Variants in SNTG1 observed in about 807,000 individuals in gnomAD.
SNTG1 encodes the protein syntrophin gamma 1.
In SNTG1, 39 loss-of-function variants were observed where a neutral mutation model predicts 74.7. The ratio of observed to expected loss-of-function variants is 0.52; its 90% CI spans 0.40 to 0.68. The LOEUF (loss-of-function observed/expected upper bound fraction) is 0.68, where lower values mean the gene tolerates loss of function less well. SNTG1 is among the 30% of genes least tolerant of loss of function. The probability of loss-of-function intolerance (pLI) is 0.00; values close to 1 mark genes in which losing one functional copy is unlikely to be tolerated. For missense variants in SNTG1, 685 were observed against 609.5 expected, an observed-to-expected ratio of 1.12 and a Z score of -1.30; for synonymous variants, 254 against 217.1, an observed-to-expected ratio of 1.17 and a Z score of -1.49.
chr8:50,383,425 A>G (rs1037750947), intron 2 of SNTG1, among the ~76,000 whole-genome samples: 3 of 152,230 alleles, frequency 2.0e-5, no homozygotes, highest in Admixed American at 6.5e-5. Context: ...AAGATAATTG[A>G]CATATATTAT....
intron 13 of SNTG1, among the ~76,000 whole-genome samples, chr8:50,602,047 G>A (rs948394349): frequency 1.3e-5 from 2 of 151,872 alleles, no homozygotes; most frequent in African/African-American, 4.8e-5. Context: ...ACAGATAATT[G>A]AGTCTTCTTT....
intron 2 of SNTG1, among the ~76,000 whole-genome samples, chr8:50,295,925 T>A (rs1408596843): frequency 6.6e-6 from 1 of 152,192 alleles, no homozygotes; most frequent in Non-Finnish European, 1.5e-5. Flanking sequence ...ACTCTTAATG[T>A]AAAAAAGTGC....
chr8:50,684,607 A>G (rs2095344226), intron 15 of SNTG1, among the ~76,000 whole-genome samples: 1 of 152,120 alleles, frequency 6.6e-6, no homozygotes, highest in Admixed American at 6.5e-5. Flanking sequence ...AATGATAAAA[A>G]GGGTTTTAAT....
intron 2 of SNTG1, among the ~76,000 whole-genome samples, chr8:50,276,628 A>T (rs2088129328): frequency 6.6e-6 from 1 of 151,980 alleles, no homozygotes; most frequent in Admixed American, 6.6e-5. Context: ...TAATCATTTC[A>T]TGCTATGGAA....
At chr8:50,685,878 GA>G (rs2131411177) in intron 15 of SNTG1, among the ~76,000 whole-genome samples, 1 of 152,204 alleles carries the variant, frequency 6.6e-6, no homozygotes, top group South Asian at 2.1e-4. Context: ...TTGTGTTAAA[GA>G]TGAAGTCTTC....
chr8:50,243,328 G>A (rs1326752776), intron 2 of SNTG1, among the ~76,000 whole-genome samples: 6 of 152,038 alleles, frequency 3.9e-5, no homozygotes, highest in Non-Finnish European at 8.8e-5. Flanking sequence ...TGCAAGTGTA[G>A]GTTTTCTGAA....
At chr8:50,208,546 A>G (rs1161098593) in intron 2 of SNTG1, among the ~76,000 whole-genome samples, 1 of 152,128 alleles carries the variant, frequency 6.6e-6, no homozygotes, top group Non-Finnish European at 1.5e-5. Context: ...AATTGGAGCA[A>G]CTATCCCATT....
chr8:50,716,216 TTA>T (rs1461597788), intron 17 of SNTG1, among the ~76,000 whole-genome samples: 1 of 152,142 alleles, frequency 6.6e-6, no homozygotes. Flanking sequence ...TTCTTAAATT[TTA>T]TGTTATTATT....
At chr8:50,766,712 G>C (rs1466911777) in intron 18 of SNTG1, among the ~76,000 whole-genome samples, 1 of 151,798 alleles carries the variant, frequency 6.6e-6, no homozygotes, top group Non-Finnish European at 1.5e-5. Flanking sequence ...AAAAATTGTT[G>C]AACTTGTTTA....
At chr8:50,447,583 C>CTTCA (rs199975715) in intron 5 of SNTG1, among the ~76,000 whole-genome samples, 6 of 152,124 alleles carry the variant, frequency 3.9e-5, no homozygotes, top group Admixed American at 3.3e-4. Flanking sequence ...AAGCCGTAGA[C>CTTCA]TTCATTCATT....
At chr8:50,360,810 G>T (rs931465775) in intron 2 of SNTG1, among the ~76,000 whole-genome samples, 1 of 152,082 alleles carries the variant, frequency 6.6e-6, no homozygotes, top group Admixed American at 6.6e-5. Context: ...AATGGAGCTT[G>T]CAGGACTATA....
At chr8:50,096,118 TG>T (rs1308620028) in intron 1 of SNTG1, among the ~76,000 whole-genome samples, 1 of 152,182 alleles carries the variant, frequency 6.6e-6, no homozygotes, top group Non-Finnish European at 1.5e-5. Flanking sequence ...AATTTGGTTT[TG>T]TTTCCTCTCC....
chr8:49,925,166 A>C (rs1348247430), intron 1 of SNTG1, among the ~76,000 whole-genome samples: 1 of 152,124 alleles, frequency 6.6e-6, no homozygotes, highest in East Asian at 1.9e-4. Context: ...AAAAGTAAAT[A>C]AATAAAATAA....
intron 8 of SNTG1, among the ~76,000 whole-genome samples, chr8:50,476,223 G>C (rs1036067155): frequency 3.3e-5 from 5 of 152,170 alleles, no homozygotes; most frequent in South Asian, 4.1e-4. Context: ...TTTGTTATTA[G>C]TTGCTGTTAA....
intron 8 of SNTG1, among the ~76,000 whole-genome samples, chr8:50,481,153 C>A (rs562994100): frequency 2.0e-5 from 3 of 152,086 alleles, no homozygotes; most frequent in South Asian, 2.1e-4. Flanking sequence ...GAAGCCGAGG[C>A]GGGTGGATCA....
intron 9 of SNTG1, among the ~76,000 whole-genome samples, chr8:50,523,125 T>G (rs2094193388): frequency 6.6e-6 from 1 of 152,148 alleles, no homozygotes; most frequent in Admixed American, 6.6e-5. Context: ...TTTCTGTACC[T>G]TCCTCACCTC....
At chr8:50,545,098 A>G (rs1466379857) in intron 11 of SNTG1, among the ~76,000 whole-genome samples, 1 of 152,012 alleles carries the variant, frequency 6.6e-6, no homozygotes, top group East Asian at 1.9e-4. Flanking sequence ...AGCTTGGCTC[A>G]AATGTAGGAT....
At chr8:50,390,603 G>T (rs1379813961) in intron 2 of SNTG1, among the ~76,000 whole-genome samples, 1 of 152,142 alleles carries the variant, frequency 6.6e-6, no homozygotes, top group Non-Finnish European at 1.5e-5. Flanking sequence ...CAAATTCTGT[G>T]AAGAAATTCA....
intron 4 of SNTG1, among the ~76,000 whole-genome samples, chr8:50,437,110 A>G (rs1022357806): frequency 2.6e-5 from 4 of 152,158 alleles, no homozygotes; most frequent in African/African-American, 9.6e-5. Flanking sequence ...GTATGATTGG[A>G]TGACAGATTA....
Sources: allele counts gnomAD v4.1 joint callset (sites outside exome capture counted in the v4.1 genomes callset), GRCh38; gene constraint gnomAD v4.1.1; transcripts MANE v1.5; gene names NCBI Gene and HGNC (gene_info 2026-07-23, HGNC 2026-07-21).